Variants in KLHL32 observed in about 807,000 individuals in gnomAD.
The protein encoded by KLHL32 is kelch-like protein 32.
Under a neutral mutation model 64.8 loss-of-function variants are expected in KLHL32, and 35 were observed. The observed-to-expected ratio is 0.54, with a 90% CI of 0.41 to 0.72. The LOEUF (loss-of-function observed/expected upper bound fraction) is 0.72. KLHL32 is among the 30% of genes least tolerant of loss of function. The pLI, the probability that KLHL32 is intolerant of heterozygous loss-of-function variation, is 0.00. For synonymous variants in KLHL32, 259 were observed against 281.0 expected, an observed-to-expected ratio of 0.92 and a Z score of 0.78; for missense variants, 589 against 768.5, an observed-to-expected ratio of 0.77 and a Z score of 2.76.
At chr6:96,930,094 C>T (rs1024980164) in intron 1 of KLHL32, among the ~76,000 whole-genome samples, 1 of 152,050 alleles carries the variant, frequency 6.6e-6, no homozygotes, top group African/African-American at 2.4e-5. Flanking sequence ...TGATACAACC[C>T]GTTTGTTATA....
the KLHL32 span, among the ~76,000 whole-genome samples, chr6:96,912,531 T>C: frequency 1.1e-4 from 16 of 152,172 alleles, no homozygotes; most frequent in African/African-American, 3.9e-4. Flanking sequence ...CTCTCTCAGC[T>C]CTTCCCCTGG....
At chr6:96,959,192 C>A (rs746655791) in intron 1 of KLHL32, among the ~76,000 whole-genome samples, 1 of 152,114 alleles carries the variant, frequency 6.6e-6, no homozygotes, top group Non-Finnish European at 1.5e-5. Flanking sequence ...CCCCAGGAGG[C>A]CTCCAACGTC....
At chr6:97,078,606 C>T (rs1051233822) in intron 5 of KLHL32, among the ~76,000 whole-genome samples, 2 of 152,090 alleles carry the variant, frequency 1.3e-5, no homozygotes, top group Non-Finnish European at 2.9e-5. Context: ...TTATCTTTAA[C>T]CCAAGTCATA....
At chr6:97,105,714 C>T (rs529198379) in intron 6 of KLHL32, among the ~76,000 whole-genome samples, 6 of 152,148 alleles carry the variant, frequency 3.9e-5, no homozygotes, top group Admixed American at 6.5e-5. Context: ...TCATGATGAG[C>T]TCTGTGATAA....
the KLHL32 span, among the ~76,000 whole-genome samples, chr6:96,906,510 C>G: frequency 6.6e-6 from 1 of 152,096 alleles, no homozygotes; most frequent in Non-Finnish European, 1.5e-5. Flanking sequence ...AGCCATAGGT[C>G]TCTCTTAGAA....
chr6:96,967,524 G>T (rs1458916454), intron 2 of KLHL32, among the ~76,000 whole-genome samples: 6 of 151,834 alleles, frequency 4.0e-5, no homozygotes, highest in Non-Finnish European at 4.4e-5. Flanking sequence ...GAGAGAGGGA[G>T]AGCCCTCTCT....
At chr6:97,029,263 G>A (rs766387215) in intron 3 of KLHL32, among the ~76,000 whole-genome samples, 8 of 152,218 alleles carry the variant, frequency 5.3e-5, no homozygotes, top group Middle Eastern at 3.4e-3. Context: ...CATTATCACT[G>A]TATAGTTAAT....
At chr6:97,018,032 A>G (rs1781471349) in intron 3 of KLHL32, among the ~76,000 whole-genome samples, 1 of 152,212 alleles carries the variant, frequency 6.6e-6, no homozygotes, top group African/African-American at 2.4e-5. Context: ...TTAATGCCAC[A>G]TTACCTTAGT....
chr6:97,061,228 A>G (rs137908084), intron 4 of KLHL32, among the ~76,000 whole-genome samples: 16 of 152,264 alleles, frequency 1.1e-4, no homozygotes, highest in African/African-American at 3.4e-4. Context: ...GCAAATCTGG[A>G]GAAGCCCCAG....
intron 1 of KLHL32, 87 bp from the exon 2 acceptor site, chr6:96,966,909 A>G: frequency 1.6e-6 from 1 of 631,194 alleles, no homozygotes; most frequent in Admixed American, 2.2e-5. Flanking sequence ...TCTCCCTGGA[A>G]TTCAGAAACT....
intron 6 of KLHL32, among the ~76,000 whole-genome samples, chr6:97,111,492 C>G (rs772390803): frequency 6.6e-6 from 1 of 152,154 alleles, no homozygotes; most frequent in African/African-American, 2.4e-5. Flanking sequence ...CCTCATGGGA[C>G]GGAACATGCA....
intron 3 of KLHL32, among the ~76,000 whole-genome samples, chr6:96,988,036 G>C (rs1457979622): frequency 2.0e-5 from 3 of 152,226 alleles, no homozygotes; most frequent in Admixed American, 6.5e-5. Flanking sequence ...TCAGGACATA[G>C]GCATGGGCAA....
intron 6 of KLHL32, among the ~76,000 whole-genome samples, chr6:97,108,921 AT>A (rs1184938075): frequency 1.3e-5 from 2 of 152,224 alleles, no homozygotes; most frequent in African/African-American, 4.8e-5. Context: ...ATTTCCTCTG[AT>A]AAGGCAGCAA....
intron 4 of KLHL32, among the ~76,000 whole-genome samples, chr6:97,055,184 TAG>T (rs1436224956): frequency 6.6e-6 from 1 of 152,162 alleles, no homozygotes; most frequent in Non-Finnish European, 1.5e-5. Context: ...CTTCTCTTTT[TAG>T]AGACATTCCC....
intron 3 of KLHL32, among the ~76,000 whole-genome samples, chr6:96,994,157 T>C (rs147052538): frequency 7.9e-4 from 121 of 152,318 alleles, no homozygotes; most frequent in African/African-American, 2.7e-3. Flanking sequence ...TCATGGAGAA[T>C]TGTCTCCCAA....
intron 5 of KLHL32, among the ~76,000 whole-genome samples, chr6:97,069,030 G>C (rs891337018): frequency 1.3e-5 from 2 of 151,586 alleles, no homozygotes; most frequent in Admixed American, 6.6e-5. Context: ...AACAGAGAAG[G>C]GGGGGGTCTG....
intron 6 of KLHL32, among the ~76,000 whole-genome samples, chr6:97,087,832 C>G (rs1364130213): frequency 6.6e-6 from 1 of 152,154 alleles, no homozygotes; most frequent in Non-Finnish European, 1.5e-5. Flanking sequence ...TCATAAGAAC[C>G]TTCAAATTAA....
intron 6 of KLHL32, among the ~76,000 whole-genome samples, chr6:97,111,030 T>TGGG (rs374394888): frequency 5.4e-4 from 77 of 142,940 alleles, no homozygotes; most frequent in African/African-American, 1.9e-3. Flanking sequence ...AGAAAAGTCT[T>TGGG]GGGGGGGGGG....
At chr6:96,953,498 C>T (rs1368149677) in intron 1 of KLHL32, among the ~76,000 whole-genome samples, 3 of 151,948 alleles carry the variant, frequency 2.0e-5, no homozygotes, top group African/African-American at 7.3e-5. Context: ...GGTGTGGTGG[C>T]ACATAACTGT....
Sources: allele counts gnomAD v4.1 joint callset (sites outside exome capture counted in the v4.1 genomes callset), GRCh38; gene constraint gnomAD v4.1.1; transcripts MANE v1.5; gene names NCBI Gene and HGNC (gene_info 2026-07-23, HGNC 2026-07-21).